The following PLXNA4 variants were observed in gnomAD, a reference collection of about 807,000 sequenced individuals.
The protein encoded by PLXNA4 is plexin A4, also known as plexin-A4.
PLXNA4 carries 44 observed loss-of-function variants against 191.8 expected under a neutral mutation model. The observed-to-expected ratio is 0.23, with a 90% CI of 0.18 to 0.29. The LOEUF (loss-of-function observed/expected upper bound fraction) is 0.29. PLXNA4 is among the 10% of genes least tolerant of loss of function. The pLI is 1.00. For missense variants in PLXNA4, 1,800 were observed against 2,488.8 expected, an observed-to-expected ratio of 0.72 and a Z score of 5.89; for synonymous variants, 1,082 against 1,009.5, an observed-to-expected ratio of 1.07 and a Z score of -1.36.
At chr7:132,355,989 G>A (rs76140941) in intron 3 of PLXNA4, among the ~76,000 whole-genome samples, 4,112 of 152,262 alleles carry the variant, frequency 0.027, 81 homozygotes, top group Non-Finnish European at 0.039. Flanking sequence ...GGGGAAGAGC[G>A]AGGAGGGGGT....
intron 2 of PLXNA4, among the ~76,000 whole-genome samples, chr7:132,590,896 G>C (rs1329572773): frequency 6.6e-6 from 1 of 152,140 alleles, no homozygotes; most frequent in Non-Finnish European, 1.5e-5. Flanking sequence ...CTGGAGGTAG[G>C]TGGCTCCGGG....
At chr7:132,561,761 CTT>C in intron 1 of PLXNA4, among the ~76,000 whole-genome samples, 1 of 139,956 alleles carries the variant, frequency 7.1e-6, no homozygotes, top group Non-Finnish European at 1.5e-5. Flanking sequence ...CCTCCTCCTC[CTT>C]CTCCTCCTTC....
intron 2 of PLXNA4, among the ~76,000 whole-genome samples, chr7:132,593,214 T>C (rs990282105): frequency 2.0e-5 from 3 of 152,218 alleles, no homozygotes; most frequent in African/African-American, 7.2e-5. Flanking sequence ...GCGTGGGCTG[T>C]TGTGGAATCT....
At chr7:132,393,609 C>A (rs1793616561) in intron 3 of PLXNA4, among the ~76,000 whole-genome samples, 1 of 152,186 alleles carries the variant, frequency 6.6e-6, no homozygotes, top group Admixed American at 6.5e-5. Context: ...GTGCTAAGCA[C>A]TGAGAATGCA....
chr7:132,460,436 A>G (rs901824517), intron 3 of PLXNA4, among the ~76,000 whole-genome samples: 5 of 152,086 alleles, frequency 3.3e-5, no homozygotes, highest in Admixed American at 3.3e-4. Context: ...GCATGGAAAA[A>G]ATTAGCTCTG....
chr7:132,189,004 GAGAGAGAGAGAGA>G (rs1796990741), intron 14 of PLXNA4, among the ~76,000 whole-genome samples: 3 of 72,242 alleles, frequency 4.2e-5, no homozygotes, highest in Non-Finnish European at 8.3e-5. Context: ...GAGAGAGAGA[GAGAGAGAGAGAGA>G]GAGAGAGAGA....
Position 132,168,434 on chromosome 7 carries a change from C to T in PLXNA4, c.4156G>A (p.Val1386Met), listed in dbSNP as rs752343164. The T allele has an allele frequency of 9.3e-6, 15 of 1,613,998 alleles. No individual in the cohort carries two copies. The highest frequency in any genetic ancestry group is 2.2e-5 in the East Asian group (1 of 44,868). Reference protein sequence around the residue: ...RSFSMRDRGNVASLIMTVLQS... With the variant: ...RSFSMRDRGNMASLIMTVLQS... ...AGCACGGTCATGATGAGTGAGGCCACGTTGCCACGGTCGCGCATGGAGAAG... is the reference window on the plus strand; with the variant it reads ...AGCACGGTCATGATGAGTGAGGCCATGTTGCCACGGTCGCGCATGGAGAAG... The change falls in exon 22 of 32, where the codon GTG becomes ATG. Residue 1386 changes from valine to methionine, a missense_variant. Val to Met is a conservative substitution (Grantham distance 21, BLOSUM62 1). Transcript: ENST00000321063.
intron 2 of PLXNA4, among the ~76,000 whole-genome samples, chr7:132,631,701 C>A (rs895244992): frequency 1.1e-4 from 17 of 152,180 alleles, no homozygotes; most frequent in Non-Finnish European, 2.9e-5. Flanking sequence ...CATCCCCCAA[C>A]CCCATGGTCT....
intron 14 of PLXNA4, among the ~76,000 whole-genome samples, chr7:132,189,048 GAGAGA>G (rs1562909254): frequency 3.0e-5 from 3 of 98,626 alleles, no homozygotes; most frequent in African/African-American, 1.7e-4. Context: ...GAGAGAGAGA[GAGAGA>G]GAGAGAGAGA....
chr7:132,561,132 C>G (rs1222708926), intron 1 of PLXNA4, among the ~76,000 whole-genome samples: 1 of 152,062 alleles, frequency 6.6e-6, no homozygotes, highest in African/African-American at 2.4e-5. Context: ...CACTTCCCAC[C>G]TCTGCCTTGA....
chr7:132,322,129 C>T (rs1195513257), intron 3 of PLXNA4, among the ~76,000 whole-genome samples: 1 of 151,224 alleles, frequency 6.6e-6, no homozygotes, highest in Non-Finnish European at 1.5e-5. Context: ...ACACACTTTC[C>T]ATTGGGTCTG....
At chr7:132,584,321 C>A (rs1017464037) in intron 2 of PLXNA4, among the ~76,000 whole-genome samples, 2 of 152,156 alleles carry the variant, frequency 1.3e-5, no homozygotes, top group Admixed American at 6.5e-5. Flanking sequence ...ACACTAAAAT[C>A]AAATTGTTAT....
At chr7:132,176,277 C>T (rs777489554) in intron 20 of PLXNA4, among the ~76,000 whole-genome samples, 16 of 152,240 alleles carry the variant, frequency 1.1e-4, no homozygotes, top group Admixed American at 2.6e-4. Context: ...GCCACACAGA[C>T]ACAGGGGTTC....
intron 3 of PLXNA4, among the ~76,000 whole-genome samples, chr7:132,355,372 A>G (rs1803656706): frequency 6.6e-6 from 1 of 152,204 alleles, no homozygotes; most frequent in South Asian, 2.1e-4. Flanking sequence ...AACCTGAGTC[A>G]GTCTCTGTTA....
chr7:132,417,926 G>T (rs1006214473), intron 3 of PLXNA4, among the ~76,000 whole-genome samples: 1 of 152,120 alleles, frequency 6.6e-6, no homozygotes, highest in Admixed American at 6.5e-5. Context: ...GCAACCACCT[G>T]GTCCTCTAAA....
At chr7:132,288,779 A>G (rs949720612) in intron 4 of PLXNA4, among the ~76,000 whole-genome samples, 2 of 152,200 alleles carry the variant, frequency 1.3e-5, no homozygotes, top group African/African-American at 4.8e-5. Flanking sequence ...TGAGGGCAGG[A>G]CTCATTTTCA....
chr7:132,248,099 C>G (rs1019072376), intron 4 of PLXNA4, among the ~76,000 whole-genome samples: 2 of 152,198 alleles, frequency 1.3e-5, no homozygotes, highest in Non-Finnish European at 2.9e-5. Flanking sequence ...GTAGGAAACA[C>G]GAGGCAAATG....
At chr7:132,200,027 A>G (rs1210157001) in intron 12 of PLXNA4, among the ~76,000 whole-genome samples, 1 of 152,180 alleles carries the variant, frequency 6.6e-6, no homozygotes, top group East Asian at 1.9e-4. Context: ...ATGCCTGCCT[A>G]GCCAGTCCCC....
At chr7:132,349,776 CTTA>C (rs1340778195) in intron 3 of PLXNA4, among the ~76,000 whole-genome samples, 2 of 152,102 alleles carry the variant, frequency 1.3e-5, no homozygotes, top group African/African-American at 4.8e-5. Context: ...CTTGCTGCTT[CTTA>C]TTAATAAAAA....
Sources: allele counts gnomAD v4.1 joint callset (sites outside exome capture counted in the v4.1 genomes callset), GRCh38; gene constraint gnomAD v4.1.1; transcripts MANE v1.5; gene names NCBI Gene and HGNC (gene_info 2026-07-23, HGNC 2026-07-21).